SLC26A3: variants seen among roughly 807,000 people sequenced by gnomAD.
SLC26A3 encodes chloride anion exchanger.
SLC26A3 carries 64 observed loss-of-function variants against 85.6 expected under a neutral mutation model. That is an observed-to-expected ratio of 0.75 (90% CI 0.61 to 0.92). SLC26A3 has a LOEUF of 0.92. Ranked by LOEUF, SLC26A3 falls within the 40% of genes least tolerant of loss-of-function variation. The pLI is 0.00. For missense variants in SLC26A3, 922 were observed against 927.3 expected (o/e 0.99, Z 0.07); for synonymous variants, 349 against 336.0 (o/e 1.04, Z -0.42).
At chr7:107,802,780 C>G (rs1489203393) in intron 1 of SLC26A3, among the ~76,000 whole-genome samples, 1 of 140,234 alleles carries the variant, frequency 7.1e-6, no homozygotes, top group East Asian at 2.1e-4. Flanking sequence ...TCAGAGCAGA[C>G]AATCTATCTA....
intron 20 of SLC26A3, among the ~76,000 whole-genome samples, 187 bp from the exon 21 acceptor site, chr7:107,766,065 G>A (rs994299095): frequency 6.6e-6 from 1 of 151,960 alleles, no homozygotes; most frequent in African/African-American, 2.4e-5. Flanking sequence ...TAATTCAAAG[G>A]CCTAACTTAA....
intron 3 of SLC26A3, among the ~76,000 whole-genome samples, chr7:107,792,668 CG>C (rs1310723092): frequency 1.3e-5 from 2 of 152,120 alleles, no homozygotes; most frequent in Non-Finnish European, 2.9e-5. Flanking sequence ...TAACAGGCCA[CG>C]GACCTGTACT....
At chr7:107,788,595 C>G (rs1184781138) in intron 6 of SLC26A3, among the ~76,000 whole-genome samples, 1 of 151,848 alleles carries the variant, frequency 6.6e-6, no homozygotes, top group African/African-American at 2.4e-5. Context: ...AATGGTAAAG[C>G]TTTTAAAACA....
intron 2 of SLC26A3, 88 bp downstream of exon 2, chr7:107,794,291 C>G: frequency 1.4e-6 from 2 of 1,454,178 alleles, no homozygotes; most frequent in Non-Finnish European, 1.9e-6. Context: ...GGACTAGAGC[C>G]AGAAAGGAGA....
At chr7:107,786,086 C>T (rs1024309443) in intron 8 of SLC26A3, among the ~76,000 whole-genome samples, 1 of 152,162 alleles carries the variant, frequency 6.6e-6, no homozygotes, top group African/African-American at 2.4e-5. Flanking sequence ...AGTTGCTCTG[C>T]CCTTGTTTTG....
chr7:107,771,630 C>T (rs546452951), intron 18 of SLC26A3, among the ~76,000 whole-genome samples: 2 of 152,138 alleles, frequency 1.3e-5, no homozygotes, highest in Middle Eastern at 3.4e-3. Context: ...TGCAGAAGGA[C>T]CTGAGATGAA....
chr7:107,798,982 G>T (rs1041487108), intron 1 of SLC26A3, among the ~76,000 whole-genome samples: 6 of 152,180 alleles, frequency 3.9e-5, no homozygotes, highest in African/African-American at 1.4e-4. Context: ...CCTTCAGAGG[G>T]ATCTCCATCG....
intron 1 of SLC26A3, among the ~76,000 whole-genome samples, chr7:107,801,446 G>T (rs1226013839): frequency 6.6e-6 from 1 of 152,146 alleles, no homozygotes; most frequent in East Asian, 1.9e-4. Flanking sequence ...TCTCCTTGAG[G>T]TGACTTGCTT....
At chr7:107,772,134 C>T (rs1354201842) in intron 17 of SLC26A3, 26 bp from the exon 18 acceptor site, 1 of 1,347,774 alleles carries the variant, frequency 7.4e-7, no homozygotes, top group Non-Finnish European at 1.1e-6. Context: ...GTATATCTTC[C>T]TTAGGGAACA....
At chr7:107,790,400 A>G (rs1794374576) in intron 5 of SLC26A3, among the ~76,000 whole-genome samples, 1 of 152,236 alleles carries the variant, frequency 6.6e-6, no homozygotes, top group African/African-American at 2.4e-5. Flanking sequence ...AATTGTCAAT[A>G]AGACGCATGC....
chr7:107,776,244 C>T, intron 15 of SLC26A3: 2 of 601,176 alleles, frequency 3.3e-6, no homozygotes, highest in East Asian at 2.8e-5. Context: ...TATTAGATGT[C>T]ATCTGAAGAG....
Position 107,788,944 on chromosome 7 carries a change from G to A in SLC26A3, c.735+580C>T, listed in dbSNP as rs1347204570. ...ACTGCAGACATGCACCACCATGCCC[G>A]GCTAATTATTTTATTTTTTGTAAAG... On this transcript the variant is annotated intron_variant, in intron 6 of 20. Transcript: ENST00000340010. Among the ~76,000 whole-genome samples, 4 of 150,574 alleles carry A rather than the reference G, an allele frequency of 2.7e-5. No homozygotes were observed. The East Asian group carries it at 7.7e-4, about 29-fold the overall frequency.
Position 107,767,579 on chromosome 7 carries a change from C to G in SLC26A3, c.2271G>C (p.Glu757Asp). The change falls in exon 20 of 21, where the codon GAG (glutamate) becomes GAC (aspartate). Residue 757 changes from glutamate to aspartate, a missense_variant and splice_region_variant. Transcript: ENST00000340010. ...TNGGLRNRVY[E>D]VPVETKF ...AGATAAACCTGTTGAAGAATCTTAC[C>G]TCATATACCCGATTACGTAATCCTC... is the stretch of plus-strand genomic sequence containing the variant. 1 of 1,603,944 alleles carries G rather than the reference C, an allele frequency of 6.2e-7. No homozygotes were observed. Among genetic ancestry groups the G allele is most frequent in the Non-Finnish European group, 8.5e-7 (1 of 1,171,402 alleles).
rs745831185 is a variant in SLC26A3 at position 107,772,045 on chromosome 7, G to A, written c.2062+9C>T. The A allele has an allele frequency of 1.2e-6, 2 of 1,606,030 alleles. No homozygotes were observed. The highest frequency in any genetic ancestry group is 1.1e-5 in the South Asian group (1 of 90,934). ...TGTCAGAACATAAAACAAAAATAAA[G>A]CCACTTACCATCAGTTCCAACGATA... On this transcript the variant is annotated intron_variant, in intron 18 of 20. Coordinates refer to ENST00000340010, the MANE Select transcript of SLC26A3 (RefSeq NM_000111.3).
In SLC26A3 at chr7:107,791,105, G is replaced by A. The variant is rs367588993; in HGVS notation, c.513C>T (p.Asp171=). ...CCGCCGCCGCCACCCTCACCCTCTC[G>A]TCATCCAGTAGTGAAGAATTATTCG... is the stretch of plus-strand genomic sequence containing the variant. ...NNSNNSSLLD[D]ERVRVAAAAS... is the part of the protein sequence containing the mutation. The change falls in exon 5 of 21, where the codon GAC becomes GAT. Residue 171 remains aspartate, a synonymous_variant. Transcript: ENST00000340010. 16 of 1,614,122 alleles carry A rather than the reference G, an allele frequency of 9.9e-6. No homozygotes were observed. Among genetic ancestry groups the A allele is most frequent in the Middle Eastern group, 1.7e-4 (1 of 6,060 alleles).
intron 1 of SLC26A3, among the ~76,000 whole-genome samples, chr7:107,797,740 C>CT (rs375903590): frequency 1.1e-4 from 14 of 127,434 alleles, no homozygotes; most frequent in Non-Finnish European, 1.4e-4. Flanking sequence ...TGAGCAGGAC[C>CT]TTTTTTTTTT....
At chr7:107,782,105 G>A (rs1384924497) in intron 11 of SLC26A3, among the ~76,000 whole-genome samples, 2 of 152,144 alleles carry the variant, frequency 1.3e-5, no homozygotes, top group Non-Finnish European at 2.9e-5. Flanking sequence ...GCCAGGATTA[G>A]AAGGAGGTCA....
At chr7:107,790,971 G>C in intron 5 of SLC26A3, 77 bp downstream of exon 5, 1 of 1,461,758 alleles carries the variant, frequency 6.8e-7, no homozygotes, top group Non-Finnish European at 9.4e-7. Flanking sequence ...AGTGGCAGGG[G>C]GGAGGAAAAA....
intron 11 of SLC26A3, among the ~76,000 whole-genome samples, chr7:107,780,937 C>A (rs1474331983): frequency 6.6e-6 from 1 of 152,146 alleles, no homozygotes; most frequent in African/African-American, 2.4e-5. Context: ...GCAAAGAAGT[C>A]AGAGGACTGT....
Sources: allele counts gnomAD v4.1 joint callset (sites outside exome capture counted in the v4.1 genomes callset), GRCh38; gene constraint gnomAD v4.1.1; transcripts MANE v1.5; gene names NCBI Gene and HGNC (gene_info 2026-07-23, HGNC 2026-07-21).